Variants in EXT2 observed in about 807,000 individuals in gnomAD.
The protein encoded by EXT2 is exostosin glycosyltransferase 2, also known as exostosin-2.
EXT2 carries 53 observed loss-of-function variants against 81.6 expected under a neutral mutation model. The ratio of observed to expected loss-of-function variants is 0.65; its 90% CI spans 0.52 to 0.82. The LOEUF is 0.82. Among genes scored for constraint, EXT2 ranks in the 40% least tolerant of loss-of-function variants. The probability of loss-of-function intolerance (pLI) is 0.00; values close to 1 mark genes in which losing one functional copy is unlikely to be tolerated. For missense variants in EXT2, 774 were observed against 910.2 expected (o/e 0.85, Z 1.93); for synonymous variants, 320 against 340.0 (o/e 0.94, Z 0.65).
chr11:44,113,479 G>A (rs547886744), intron 3 of EXT2, among the ~76,000 whole-genome samples: 6 of 152,292 alleles, frequency 3.9e-5, no homozygotes, highest in Non-Finnish European at 5.9e-5. Context: ...AAACAATGTG[G>A]TCACTGTTTT....
chr11:44,189,254 A>G (rs1227811056), intron 8 of EXT2, among the ~76,000 whole-genome samples: 1 of 152,160 alleles, frequency 6.6e-6, no homozygotes, highest in Non-Finnish European at 1.5e-5. Flanking sequence ...TACTTAGTTG[A>G]AGCCTTAAGA....
In EXT2 at chr11:44,247,740, A is replaced by G. The variant is rs544758652; in HGVS notation, c.*3453A>G. Among the ~76,000 whole-genome samples, 3 of 152,316 alleles carry G rather than the reference A, an allele frequency of 2.0e-5. No individual in the cohort carries two copies. Among genetic ancestry groups the G allele is most frequent in the African/African-American group, 7.2e-5 (3 of 41,576 alleles). On this transcript the variant is annotated 3_prime_UTR_variant, in exon 14 of 14. Transcript: ENST00000533608. ...CGCAGACTGGGAGCTGGAAGAGACA[A>G]GCTCCCTCTTTGCTCTCATTGGCCA...
chr11:44,213,090 G>A (rs987995063), intron 10 of EXT2, among the ~76,000 whole-genome samples: 1 of 151,924 alleles, frequency 6.6e-6, no homozygotes, highest in Non-Finnish European at 1.5e-5. Context: ...TGCAGCTAAA[G>A]CAGTGCTTAT....
intron 8 of EXT2, among the ~76,000 whole-genome samples, chr11:44,196,903 T>C (rs1955461690): frequency 6.6e-6 from 1 of 152,204 alleles, no homozygotes; most frequent in Non-Finnish European, 1.5e-5. Flanking sequence ...AATCTGCTCA[T>C]GATTGAGAGG....
chr11:44,132,615 C>T (rs999605096), intron 7 of EXT2, among the ~76,000 whole-genome samples: 6 of 152,292 alleles, frequency 3.9e-5, no homozygotes, highest in Middle Eastern at 3.4e-3. Flanking sequence ...ACATTACTCT[C>T]CTTGACAACA....
intron 9 of EXT2, among the ~76,000 whole-genome samples, chr11:44,198,994 A>G (rs979391070): frequency 3.3e-5 from 5 of 152,130 alleles, no homozygotes; most frequent in East Asian, 1.9e-4. Flanking sequence ...ACTTCATGGG[A>G]TGTTTGTTCT....
chr11:44,131,136 A>T (rs887106350), intron 7 of EXT2, among the ~76,000 whole-genome samples: 7 of 152,232 alleles, frequency 4.6e-5, no homozygotes, highest in African/African-American at 1.7e-4. Flanking sequence ...CTGATTTAGG[A>T]GGCAGCTCTC....
At chr11:44,171,537 T>A in intron 7 of EXT2, 74 bp from the exon 8 acceptor site, 1 of 1,609,488 alleles carries the variant, frequency 6.2e-7, no homozygotes, top group South Asian at 1.1e-5. Context: ...AACCTGGAGT[T>A]GACTATGATA....
rs76032126 is a variant in EXT2 at position 44,197,214 on chromosome 11, G to A, written c.1306-615G>A. 8.3e-3 allele frequency among the ~76,000 whole-genome samples: 1,257 copies of A among 152,284 alleles called. 12 individuals are homozygous for A. The highest frequency in any genetic ancestry group is 0.013 in the Non-Finnish European group (868 of 68,014). Reference sequence around the variant, plus strand: ...TCTGGCTGAGTAGGATCAAGGGAGGGTTTGTGAATCTGGGCCTCTAACTGC... The same window carrying A: ...TCTGGCTGAGTAGGATCAAGGGAGGATTTGTGAATCTGGGCCTCTAACTGC... On this transcript the variant is annotated intron_variant, in intron 8 of 13. Coordinates refer to ENST00000533608, the MANE Select transcript of EXT2 (RefSeq NM_207122.2).
chr11:44,197,567 C>T (rs891473260), intron 8 of EXT2, among the ~76,000 whole-genome samples: 1 of 152,098 alleles, frequency 6.6e-6, no homozygotes, highest in Non-Finnish European at 1.5e-5. Flanking sequence ...TGGAGATAAA[C>T]GCATGCTTTA....
In EXT2 at chr11:44,119,145, T is replaced by TAC. The variant is rs1565201168; in HGVS notation, c.743+4845_743+4846insCA. ...CTATTTATATATATATATATATATATATATATATATATATATATATATATA... is the reference window on the plus strand; with the variant it reads ...CTATTTATATATATATATATATATATACATATATATATATATATATATATATA... On this transcript the variant is annotated intron_variant, in intron 4 of 13. Coordinates refer to ENST00000533608, the MANE Select transcript of EXT2 (RefSeq NM_207122.2). 2.7e-4 allele frequency among the ~76,000 whole-genome samples: 13 copies of TAC among 47,612 alleles called. 1 individual carries two copies. In the South Asian group the frequency reaches 6.0e-3, roughly 22 times the overall value. 31.2% of individuals were successfully genotyped at this position (47,612 alleles called of 152,430 possible). A position where few individuals can be genotyped will look rare whatever the true frequency, so the allele number is the denominator to read the frequency against.
chr11:44,114,443 A>G, intron 4 of EXT2, 142 bp downstream of exon 4: 1 of 779,290 alleles, frequency 1.3e-6, no homozygotes, highest in Non-Finnish European at 2.3e-6. Flanking sequence ...CATCTTTCCC[A>G]CCTCCATGCA....
intron 9 of EXT2, among the ~76,000 whole-genome samples, chr11:44,206,184 A>G (rs1376101306): frequency 6.6e-6 from 1 of 152,242 alleles, no homozygotes; most frequent in African/African-American, 2.4e-5. Context: ...TCAATAAAAC[A>G]TACTTTGATG....
In EXT2 at chr11:44,214,254, A is replaced by G. The variant is rs554316803; in HGVS notation, c.1662+7295A>G. 4.7e-3 allele frequency among the ~76,000 whole-genome samples: 712 copies of G among 152,118 alleles called. 2 individuals are homozygous for G. The highest frequency in any genetic ancestry group is 7.9e-3 in the South Asian group (38 of 4,816). ...TCAGCCTCTCCGAGTAGCTGGGACT[A>G]CAGGCGCCCACCACCACGCCCGGCT... On this transcript the variant is annotated intron_variant, in intron 10 of 13. Coordinates refer to ENST00000533608, the MANE Select transcript of EXT2 (RefSeq NM_207122.2).
chr11:44,222,038 T>G (rs1193517209), intron 10 of EXT2, among the ~76,000 whole-genome samples: 1 of 152,226 alleles, frequency 6.6e-6, no homozygotes, highest in East Asian at 1.9e-4. Flanking sequence ...CTCGATCATA[T>G]TTATTTCTTG....
Position 44,197,821 on chromosome 11 carries a change from T to C in EXT2, c.1306-8T>C. 1 of 1,613,914 alleles carries C rather than the reference T, an allele frequency of 6.2e-7. No individual in the cohort carries two copies. The highest frequency in any genetic ancestry group is 8.5e-7 in the Non-Finnish European group (1 of 1,179,908). ...TTTTCTGACCCGTGTTAATCTGTCC[T>C]CTTGTAGAAGTGGGGCAGCGTGAGC... On this transcript the variant is annotated splice_polypyrimidine_tract_variant and splice_region_variant and intron_variant, in intron 8 of 13. Transcript: ENST00000533608.
rs78389811 is a variant in EXT2 at position 44,113,241 on chromosome 11, T to C, written c.627-944T>C. On this transcript the variant is annotated intron_variant, in intron 3 of 13. Coordinates refer to ENST00000533608, the MANE Select transcript of EXT2 (RefSeq NM_207122.2). Reference sequence around the variant, plus strand: ...CTAAACTGGTCATGTTAGAAGGGAATGTAGGTTGTCATCAGGGCAGGGAGG... The same window carrying C: ...CTAAACTGGTCATGTTAGAAGGGAACGTAGGTTGTCATCAGGGCAGGGAGG... Among the ~76,000 whole-genome samples the C allele has an allele frequency of 3.7e-3, 566 of 152,228 alleles. 4 individuals are homozygous for C. Among genetic ancestry groups the C allele is most frequent in the African/African-American group, 0.013 (544 of 41,558 alleles).
chr11:44,207,690 G>A (rs572774157), intron 10 of EXT2, among the ~76,000 whole-genome samples: 1 of 152,318 alleles, frequency 6.6e-6, no homozygotes, highest in Non-Finnish European at 1.5e-5. Context: ...GGGGAAAGGG[G>A]AGCAAGGTAA....
chr11:44,137,956 G>T (rs1954593275), intron 7 of EXT2, among the ~76,000 whole-genome samples: 1 of 152,168 alleles, frequency 6.6e-6, no homozygotes, highest in Admixed American at 6.5e-5. Context: ...TATAAGGCCA[G>T]GAGTGCTGTG....
Sources: allele counts gnomAD v4.1 joint callset (sites outside exome capture counted in the v4.1 genomes callset), GRCh38; gene constraint gnomAD v4.1.1; transcripts MANE v1.5; gene names NCBI Gene and HGNC (gene_info 2026-07-23, HGNC 2026-07-21).